TENM2: variants seen among roughly 807,000 people sequenced by gnomAD.
TENM2 encodes the protein teneurin-2.
In TENM2, 52 loss-of-function variants were observed where a neutral mutation model predicts 245.2. The ratio of observed to expected loss-of-function variants is 0.21; its 90% CI spans 0.17 to 0.27. The LOEUF (loss-of-function observed/expected upper bound fraction) is 0.27. TENM2 is among the 10% of genes least tolerant of loss of function. The pLI, the probability that TENM2 is intolerant of heterozygous loss-of-function variation, is 1.00. For synonymous variants in TENM2, 1,363 were observed against 1,438.9 expected, an observed-to-expected ratio of 0.95 and a Z score of 1.19; for missense variants, 3,046 against 3,666.8, an observed-to-expected ratio of 0.83 and a Z score of 4.37.
intron 2 of TENM2, among the ~76,000 whole-genome samples, chr5:167,525,642 C>A (rs892181899): frequency 4.6e-5 from 7 of 152,252 alleles, no homozygotes; most frequent in Admixed American, 4.6e-4. Context: ...AGGACCAATT[C>A]TAATCTTTCT....
chr5:167,235,050 G>A, the TENM2 span, among the ~76,000 whole-genome samples: 1 of 152,158 alleles, frequency 6.6e-6, no homozygotes, highest in Non-Finnish European at 1.5e-5. Flanking sequence ...CAGTAGGAAT[G>A]TATTTCCTTG....
intron 25 of TENM2, among the ~76,000 whole-genome samples, chr5:168,228,754 A>G (rs1373209085): frequency 1.0e-5 from 1 of 99,718 alleles, no homozygotes; most frequent in East Asian, 4.7e-4. Context: ...AGGAAGTAAC[A>G]ACTGAACCTC....
At chr5:167,558,105 TG>T in intron 2 of TENM2, among the ~76,000 whole-genome samples, 1 of 152,276 alleles carries the variant, frequency 6.6e-6, no homozygotes, top group African/African-American at 2.4e-5. Context: ...CACTAAGGAA[TG>T]GGTTCAAGCC....
chr5:167,271,371 C>T, the TENM2 span, among the ~76,000 whole-genome samples: 1 of 152,034 alleles, frequency 6.6e-6, no homozygotes, highest in Admixed American at 6.6e-5. Context: ...TTCAGTAAAC[C>T]TCCACATTTC....
At chr5:167,336,543 T>C (rs1215034229) in intron 1 of TENM2, among the ~76,000 whole-genome samples, 1 of 152,002 alleles carries the variant, frequency 6.6e-6, no homozygotes, top group Non-Finnish European at 1.5e-5. Context: ...AGTTTACAAA[T>C]GGAAATTTGA....
chr5:168,015,701 T>A (rs1785595226), intron 5 of TENM2, among the ~76,000 whole-genome samples: 1 of 152,174 alleles, frequency 6.6e-6, no homozygotes, highest in Non-Finnish European at 1.5e-5. Context: ...TCCCATTCCT[T>A]CTCTGAGTCA....
At chr5:168,116,463 GGCATTGTGTTTACA>G (rs1465312388) in intron 9 of TENM2, among the ~76,000 whole-genome samples, 1 of 152,092 alleles carries the variant, frequency 6.6e-6, no homozygotes, top group Non-Finnish European at 1.5e-5. Context: ...CCCAGAAAAA[GGCATTGTGTTTACA>G]GCATGAGATT....
chr5:167,572,584 A>T (rs919159456), intron 2 of TENM2, among the ~76,000 whole-genome samples: 12 of 152,170 alleles, frequency 7.9e-5, no homozygotes, highest in Admixed American at 7.9e-4. Context: ...CCAATAACTT[A>T]TACCAAATAG....
At chr5:168,194,784 C>T (rs1231417591) in intron 14 of TENM2, among the ~76,000 whole-genome samples, 1 of 152,036 alleles carries the variant, frequency 6.6e-6, no homozygotes, top group Non-Finnish European at 1.5e-5. Context: ...TGGCCATCCT[C>T]CAAAGCCAAA....
At chr5:167,193,504 G>T in the TENM2 span, among the ~76,000 whole-genome samples, 5 of 151,876 alleles carry the variant, frequency 3.3e-5, no homozygotes, top group African/African-American at 4.8e-5. Flanking sequence ...GAAAGGGCAG[G>T]GTGGGGTGGG....
At chr5:167,626,691 G>A (rs572865765) in intron 2 of TENM2, among the ~76,000 whole-genome samples, 9 of 152,252 alleles carry the variant, frequency 5.9e-5, no homozygotes, top group African/African-American at 1.7e-4. Flanking sequence ...TATACACAAC[G>A]AAATCTAAAA....
At chr5:167,895,825 A>C (rs913092126) in intron 3 of TENM2, among the ~76,000 whole-genome samples, 7 of 152,232 alleles carry the variant, frequency 4.6e-5, no homozygotes, top group African/African-American at 1.7e-4. Context: ...AAGAAGCTGA[A>C]GACTTTTTCA....
intron 2 of TENM2, among the ~76,000 whole-genome samples, chr5:167,866,106 A>G (rs1772298406): frequency 6.6e-6 from 1 of 152,228 alleles, no homozygotes; most frequent in South Asian, 2.1e-4. Flanking sequence ...CAATGATGAA[A>G]GTATGTCCTG....
the TENM2 span, among the ~76,000 whole-genome samples, chr5:167,227,408 G>C: frequency 6.6e-6 from 1 of 152,082 alleles, no homozygotes; most frequent in East Asian, 1.9e-4. Flanking sequence ...TTGCACTTCT[G>C]AGTTTAAAAC....
chr5:168,230,134 A>C lies in TENM2; in HGVS notation c.5520+2004A>C, dbSNP rs946874337. On this transcript the variant is annotated intron_variant, in intron 25 of 28. Coordinates refer to ENST00000518659, the Ensembl canonical transcript of TENM2. ...GTAATTAGCCCAAGTTAGGCACACA[A>C]GTCTTATAACTGAATTTCTGCCAGG... Among the ~76,000 whole-genome samples, 4 of 152,336 alleles carry C rather than the reference A, an allele frequency of 2.6e-5. No individual in the cohort carries two copies. The East Asian group carries it at 7.7e-4, about 29-fold the overall frequency.
the TENM2 span, among the ~76,000 whole-genome samples, chr5:167,068,942 G>A: frequency 3.3e-5 from 5 of 152,152 alleles, no homozygotes; most frequent in African/African-American, 1.2e-4. Flanking sequence ...ACAGTAGAAT[G>A]CAAAATAGCT....
the TENM2 span, among the ~76,000 whole-genome samples, chr5:167,010,554 T>C: frequency 2.0e-5 from 3 of 152,208 alleles, no homozygotes; most frequent in Admixed American, 1.3e-4. Context: ...AATTTATTAT[T>C]TCAAAAACTG....
chr5:167,173,403 C>T, the TENM2 span, among the ~76,000 whole-genome samples: 1 of 152,184 alleles, frequency 6.6e-6, no homozygotes, highest in Non-Finnish European at 1.5e-5. Flanking sequence ...TAAATCCTGA[C>T]CCATACCTGT....
chr5:167,461,667 C>G (rs992087934), intron 2 of TENM2, among the ~76,000 whole-genome samples: 1 of 152,158 alleles, frequency 6.6e-6, no homozygotes, highest in Non-Finnish European at 1.5e-5. Context: ...TTGCATGTAT[C>G]TTAATTCTGT....
Sources: allele counts gnomAD v4.1 joint callset (sites outside exome capture counted in the v4.1 genomes callset), GRCh38; gene constraint gnomAD v4.1.1; transcripts MANE v1.5; gene names NCBI Gene and HGNC (gene_info 2026-07-23, HGNC 2026-07-21).